Variants in EFNA5 observed in about 807,000 individuals in gnomAD.
EFNA5 encodes ephrin A5, also known as ephrin-A5.
Under a neutral mutation model 22.9 loss-of-function variants are expected in EFNA5, and 5 were observed. The ratio of observed to expected loss-of-function variants is 0.22; its 90% CI spans 0.11 to 0.46. The LOEUF is 0.46. Among genes scored for constraint, EFNA5 ranks in the 20% least tolerant of loss-of-function variants. The pLI is 0.99. For synonymous variants in EFNA5, 113 were observed against 112.2 expected (o/e 1.01, Z -0.04); for missense variants, 237 against 293.3 (o/e 0.81, Z 1.40).
chr5:107,559,105 G>C (rs1281535193), intron 1 of EFNA5, among the ~76,000 whole-genome samples: 1 of 152,114 alleles, frequency 6.6e-6, no homozygotes, highest in Non-Finnish European at 1.5e-5. Flanking sequence ...GTAAATCACT[G>C]GGATGGTGAA....
At chr5:107,424,560 T>C (rs1748760418) in intron 2 of EFNA5, among the ~76,000 whole-genome samples, 1 of 151,982 alleles carries the variant, frequency 6.6e-6, no homozygotes, top group Admixed American at 6.6e-5. Context: ...TTTAAGGCTA[T>C]GAGGAGCTAA....
chr5:107,473,742 C>T (rs1028487213), intron 1 of EFNA5, among the ~76,000 whole-genome samples: 17 of 149,610 alleles, frequency 1.1e-4, no homozygotes, highest in African/African-American at 4.2e-4. Flanking sequence ...CTCACTGCAA[C>T]CTCTGCCTCC....
intron 2 of EFNA5, chr5:107,388,425 G>A (rs1319762506): frequency 6.6e-6 from 1 of 151,898 alleles, no homozygotes; most frequent in Non-Finnish European, 1.5e-5. Flanking sequence ...ATGTTGCAAC[G>A]GTACATGTAT....
chr5:107,470,064 T>C (rs1580473219), intron 1 of EFNA5, among the ~76,000 whole-genome samples: 1 of 152,184 alleles, frequency 6.6e-6, no homozygotes, highest in Non-Finnish European at 1.5e-5. Flanking sequence ...AAGTGATAGA[T>C]AGTTCCAGGA....
Position 107,435,514 on chromosome 5 carries a change from G to T in EFNA5, c.126-8005C>A, listed in dbSNP as rs149134303. 5.3e-5 allele frequency among the ~76,000 whole-genome samples: 8 copies of T among 152,170 alleles called. No individual in the cohort carries two copies. In the East Asian group the frequency reaches 1.5e-3, roughly 29 times the overall value. On this transcript the variant is annotated intron_variant, in intron 1 of 4. Transcript: ENST00000333274. ...AGATGTATTGGTAATCAACCTCAAT[G>T]TTCAGCTCTGAGAGAAGAGGACTCA...
At chr5:107,550,815 A>AC (rs1204990603) in intron 1 of EFNA5, among the ~76,000 whole-genome samples, 4 of 152,140 alleles carry the variant, frequency 2.6e-5, no homozygotes, top group Non-Finnish European at 5.9e-5. Flanking sequence ...CCCTACCAGT[A>AC]TTTTGGTATT....
intron 1 of EFNA5, among the ~76,000 whole-genome samples, chr5:107,441,595 G>A (rs1749258296): frequency 6.6e-6 from 1 of 152,178 alleles, no homozygotes; most frequent in Non-Finnish European, 1.5e-5. Context: ...ATTAGGAGCT[G>A]TGGGAGGTGC....
chr5:107,494,882 ACT>A (rs1449780041), intron 1 of EFNA5, among the ~76,000 whole-genome samples: 4 of 151,082 alleles, frequency 2.6e-5, no homozygotes, highest in African/African-American at 7.3e-5. Context: ...ACAAATCAAC[ACT>A]CTGTATCTAG....
At chr5:107,574,552 T>G (rs1039014585) in intron 1 of EFNA5, among the ~76,000 whole-genome samples, 1 of 152,208 alleles carries the variant, frequency 6.6e-6, no homozygotes, top group African/African-American at 2.4e-5. Context: ...TAAGAAGATT[T>G]TTTTCCCCCC....
At chr5:107,612,519 A>T (rs927884092) in intron 1 of EFNA5, among the ~76,000 whole-genome samples, 1 of 152,172 alleles carries the variant, frequency 6.6e-6, no homozygotes, top group Non-Finnish European at 1.5e-5. Context: ...TTTAAAAAAA[A>T]AAAGTTCATC....
At chr5:107,476,603 A>G (rs1257448359) in intron 1 of EFNA5, among the ~76,000 whole-genome samples, 1 of 152,134 alleles carries the variant, frequency 6.6e-6, no homozygotes, top group Non-Finnish European at 1.5e-5. Flanking sequence ...TTTGGGGAGA[A>G]ACATTTCATT....
chr5:107,544,182 G>GA (rs1460126072), intron 1 of EFNA5, among the ~76,000 whole-genome samples: 3 of 152,176 alleles, frequency 2.0e-5, no homozygotes, highest in Non-Finnish European at 4.4e-5. Flanking sequence ...AGGAAACAGA[G>GA]AAAATGGGCA....
chr5:107,548,017 C>G (rs1217875618), intron 1 of EFNA5, among the ~76,000 whole-genome samples: 4 of 152,084 alleles, frequency 2.6e-5, no homozygotes, highest in Non-Finnish European at 5.9e-5. Flanking sequence ...TAAACCCTGT[C>G]TAAGTTAAAA....
chr5:107,548,554 C>T (rs965515308), intron 1 of EFNA5, among the ~76,000 whole-genome samples: 4 of 152,094 alleles, frequency 2.6e-5, no homozygotes, highest in Non-Finnish European at 5.9e-5. Flanking sequence ...TTGGGAAATA[C>T]GTGCTTGGAT....
intron 1 of EFNA5, among the ~76,000 whole-genome samples, chr5:107,631,768 A>G (rs1750259877): frequency 6.6e-6 from 1 of 152,238 alleles, no homozygotes; most frequent in African/African-American, 2.4e-5. Flanking sequence ...GAGGGGGGAA[A>G]TAAAGTTATC....
intron 1 of EFNA5, among the ~76,000 whole-genome samples, chr5:107,467,506 C>T (rs528847432): frequency 6.6e-4 from 100 of 151,996 alleles, no homozygotes; most frequent in Admixed American, 3.1e-3. Flanking sequence ...TATAAAGTTT[C>T]CATGAAAAAA....
chr5:107,410,845 C>T (rs1748348115), intron 2 of EFNA5, among the ~76,000 whole-genome samples: 1 of 152,086 alleles, frequency 6.6e-6, no homozygotes, highest in Non-Finnish European at 1.5e-5. Flanking sequence ...TAGAGTTGGG[C>T]AGTGGCAGAA....
At chr5:107,532,224 C>A (rs548431361) in intron 1 of EFNA5, among the ~76,000 whole-genome samples, 1 of 152,148 alleles carries the variant, frequency 6.6e-6, no homozygotes. Flanking sequence ...GGCGTGTGAA[C>A]GCTGCATGAG....
intron 1 of EFNA5, among the ~76,000 whole-genome samples, chr5:107,610,031 G>A (rs367915460): frequency 1.1e-4 from 17 of 151,934 alleles, no homozygotes; most frequent in African/African-American, 4.1e-4. Flanking sequence ...TGCAGGGTGG[G>A]AATGGGAGGG....
Sources: gnomAD v4.1 joint callset for allele counts (sites outside exome capture counted in the v4.1 genomes callset) on GRCh38, gnomAD v4.1.1 for gene constraint, MANE v1.5 for transcripts, NCBI Gene and HGNC (gene_info 2026-07-23, HGNC 2026-07-21) for gene names.